The following RNF213 variants were observed in gnomAD, a reference collection of about 807,000 sequenced individuals.
RNF213 encodes the protein ring finger protein 213, also known as E3 ubiquitin-protein ligase RNF213.
In RNF213, 341 loss-of-function variants were observed where a neutral mutation model predicts 514.4. That is an observed-to-expected ratio of 0.66 (90% CI 0.61 to 0.73). The LOEUF (loss-of-function observed/expected upper bound fraction) is 0.73, where lower values mean the gene tolerates loss of function less well. Among genes scored for constraint, RNF213 ranks in the 30% least tolerant of loss-of-function variants. The pLI is 0.00. For synonymous variants in RNF213, 2,655 were observed against 2,658.2 expected, an observed-to-expected ratio of 1.00 and a Z score of 0.04; for missense variants, 5,767 against 6,615.6, an observed-to-expected ratio of 0.87 and a Z score of 4.45.
At position 80,340,215 on chromosome 17, in the gene RNF213, G is replaced by C; in HGVS notation, c.5848G>C (p.Val1950Leu). ...TGCCTTCAGCCAGCACAAGGTCTTC[G>C]TCACCCCCCAGGCACCCCTCGAGGC... ...PSAFSQHKVF[V>L]TPQAPLEAIQ... The change falls in exon 26 of 68, where the codon GTC becomes CTC. Residue 1950 changes from valine to leucine, a missense_variant. Val to Leu is a conservative substitution (Grantham distance 32, BLOSUM62 1). Transcript: ENST00000582970. 1 of 1,614,068 alleles carries C rather than the reference G, an allele frequency of 6.2e-7. No homozygotes were observed. The highest frequency in any genetic ancestry group is 8.5e-7 in the Non-Finnish European group (1 of 1,180,012).
rs2079532482 is a variant in RNF213, at chr17:80,371,902, G to A, written c.12454G>A (p.Glu4152Lys). The A allele has an allele frequency of 6.4e-7, 1 of 1,556,300 alleles. No homozygotes were observed. Among genetic ancestry groups the A allele is most frequent in the African/African-American group, 1.4e-5 (1 of 73,704 alleles). ...SFHDVKDYIQ[E>K]YLTLLKKKAF... Reference sequence around the variant, plus strand: ...TCATGATGTAAAAGATTATATTCAGGAATATTTGACCCTGTTAAAAAAGAA... The same window carrying A: ...TCATGATGTAAAAGATTATATTCAGAAATATTTGACCCTGTTAAAAAAGAA... The change falls in exon 47 of 68, where the codon GAA becomes AAA. Residue 4152 changes from glutamate to lysine, a missense_variant. Transcript: ENST00000582970.
At chr17:80,381,956 G>T in intron 57 of RNF213, 1 of 554,224 alleles carries the variant, frequency 1.8e-6, no homozygotes, top group Non-Finnish European at 3.3e-6. Context: ...GAGCTGCTCT[G>T]TTCCCTCCAT....
intron 17 of RNF213, chr17:80,319,806 A>G (rs1192348436): frequency 4.9e-6 from 6 of 1,219,318 alleles, no homozygotes; most frequent in Non-Finnish European, 6.2e-6. Context: ...ACAGTCTCGC[A>G]GGCAATGCCA....
chr17:80,385,747 G>A, intron 61 of RNF213, 126 bp downstream of exon 61: 3 of 824,694 alleles, frequency 3.6e-6, no homozygotes, highest in Non-Finnish European at 6.1e-6. Flanking sequence ...TTTTGAGATG[G>A]AGTCTTGCTC....
At chr17:80,376,768 G>A in intron 52 of RNF213, 114 bp from the exon 53 acceptor site, 1 of 1,144,506 alleles carries the variant, frequency 8.7e-7, no homozygotes, top group Non-Finnish European at 1.3e-6. Context: ...AGCTTGAGAA[G>A]TCCAGCAGAA....
At chr17:80,284,220 C>T (rs763891430) in intron 3 of RNF213, among the ~76,000 whole-genome samples, 15 of 152,048 alleles carry the variant, frequency 9.9e-5, no homozygotes, top group Non-Finnish European at 2.2e-4. Context: ...AAAAATTAGC[C>T]GGGCATGATG....
intron 2 of RNF213, among the ~76,000 whole-genome samples, chr17:80,266,755 G>A (rs576650421): frequency 4.4e-4 from 67 of 152,034 alleles, no homozygotes; most frequent in Middle Eastern, 3.4e-3. Context: ...GCCCACCTTG[G>A]CCTCTCAAAG....
At position 80,340,004 on chromosome 17, in the gene RNF213, C is replaced by T; in HGVS notation, c.5637C>T (p.Arg1879=). The T allele has an allele frequency of 3.2e-6, 5 of 1,539,204 alleles. No homozygotes were observed. The highest frequency in any genetic ancestry group is 4.4e-6 in the Non-Finnish European group (5 of 1,147,418). ...TTFEEVALLL[R]RCLTLGSLGH... ...TTGAGGAGGTGGCACTGTTGCTGCG[C>T]CGCTGCCTGACCCTGGGCTCCCTGG... is the stretch of plus-strand genomic sequence containing the variant. The change falls in exon 26 of 68, where the codon CGC becomes CGT. Residue 1879 remains arginine, a synonymous_variant. Transcript: ENST00000582970.
chr17:80,324,337 C>T (rs1442984353), intron 17 of RNF213, among the ~76,000 whole-genome samples: 4 of 152,072 alleles, frequency 2.6e-5, no homozygotes, highest in Non-Finnish European at 4.4e-5. Context: ...ATGCTTTTCC[C>T]GTATCTACTG....
intron 63 of RNF213, chr17:80,388,410 T>C (rs373476884): frequency 6.7e-6 from 4 of 600,790 alleles, no homozygotes; most frequent in Non-Finnish European, 1.2e-5. Flanking sequence ...TAATTGGCTG[T>C]GAGGACTCCG....
intron 32 of RNF213, chr17:80,352,520 A>G: frequency 1.8e-6 from 1 of 543,314 alleles, no homozygotes; most frequent in Non-Finnish European, 3.3e-6. Context: ...GCTATTTATG[A>G]CATAGAAAAG....
At chr17:80,320,825 TAAAC>T (rs1038085747) in intron 17 of RNF213, 7 of 151,770 alleles carry the variant, frequency 4.6e-5, no homozygotes, top group African/African-American at 1.5e-4. Flanking sequence ...AACTAAAAAA[TAAAC>T]AAAAAAAATT....
rs143282038 is a variant in RNF213 at position 80,289,535 on chromosome 17, A to G, written c.934-124A>G. The G allele has an allele frequency of 2.0e-5, 21 of 1,024,620 alleles. No homozygotes were observed. The African/African-American group carries it at 2.8e-4, about 14-fold the overall frequency. The allele number at this position is 1,024,620 out of a possible 1,614,324, so 63.5% of individuals were successfully genotyped here. ...AGCCTGGGAGGCGGAGGTTGCAGTG[A>G]GCTGAGATCGCAGTACTGCACTCCA... On this transcript the variant is annotated intron_variant, in intron 5 of 67. Transcript: ENST00000582970.
intron 37 of RNF213, 102 bp downstream of exon 37, chr17:80,358,581 C>A: frequency 1.8e-6 from 2 of 1,097,500 alleles, no homozygotes; most frequent in East Asian, 4.9e-5. Context: ...CCCTCAACTT[C>A]AGAGCAACGT....
chr17:80,280,192 T>A (rs1413926408), intron 3 of RNF213, among the ~76,000 whole-genome samples: 1 of 152,086 alleles, frequency 6.6e-6, no homozygotes, highest in African/African-American at 2.4e-5. Context: ...TAAGGCACAG[T>A]GTGGGTGGAG....
intron 3 of RNF213, among the ~76,000 whole-genome samples, chr17:80,277,212 A>T (rs920366047): frequency 6.6e-6 from 1 of 152,162 alleles, no homozygotes; most frequent in Non-Finnish European, 1.5e-5. Flanking sequence ...CGATAGACTC[A>T]CCCATGGAGA....
At chr17:80,292,165 A>G (rs34609464) in intron 8 of RNF213, among the ~76,000 whole-genome samples, 8,215 of 151,286 alleles carry the variant, frequency 0.054, 359 homozygotes, top group East Asian at 0.19. Flanking sequence ...GCTCACTGCA[A>G]CCTCCGCCTC....
rs2078036382 is a variant in RNF213, at chr17:80,337,913, G to A, written c.4749G>A (p.Glu1583=). ...SHEESREYSL[E]EVKELLNKLM... is the part of the protein sequence containing the mutation. ...AGGAGTCACGAGAGTACTCTTTAGA[G>A]GAGGTGAAGGAGCTTTTGAACAAGT... The change falls in exon 25 of 68, where the codon GAG becomes GAA. Residue 1583 remains glutamate, a synonymous_variant. Transcript: ENST00000582970. The A allele has an allele frequency of 6.5e-7, 1 of 1,537,306 alleles. No individual in the cohort carries two copies.
At chr17:80,378,817 C>T (rs111905808) in intron 54 of RNF213, among the ~76,000 whole-genome samples, 79 of 152,220 alleles carry the variant, frequency 5.2e-4, no homozygotes, top group African/African-American at 1.8e-3. Context: ...TATATTGTGG[C>T]ACAATATCTG....
Sources: allele counts gnomAD v4.1 joint callset (sites outside exome capture counted in the v4.1 genomes callset), GRCh38; gene constraint gnomAD v4.1.1; transcripts MANE v1.5; gene names NCBI Gene and HGNC (gene_info 2026-07-23, HGNC 2026-07-21).